Variants in TNRC6B observed in about 807,000 individuals in gnomAD.
TNRC6B encodes trinucleotide repeat-containing gene 6B protein.
TNRC6B carries 52 observed loss-of-function variants against 203.6 expected under a neutral mutation model. That is an observed-to-expected ratio of 0.26 (90% CI 0.20 to 0.32). The LOEUF (loss-of-function observed/expected upper bound fraction) is 0.32, where lower values mean the gene tolerates loss of function less well. Ranked by LOEUF, TNRC6B falls within the 10% of genes least tolerant of loss-of-function variation. The pLI, the probability that TNRC6B is intolerant of heterozygous loss-of-function variation, is 1.00. For missense variants in TNRC6B, 1,923 were observed against 2,286.2 expected, an observed-to-expected ratio of 0.84 and a Z score of 3.24; for synonymous variants, 838 against 845.7, an observed-to-expected ratio of 0.99 and a Z score of 0.16.
chr22:40,100,067 A>ATTAG (rs2068223063), intron 1 of TNRC6B, among the ~76,000 whole-genome samples: 1 of 112,026 alleles, frequency 8.9e-6, no homozygotes, highest in Non-Finnish European at 1.9e-5. Flanking sequence ...TTTTATTTTT[A>ATTAG]TTATTTATTT....
chr22:40,269,878 ACT>A (rs1438907369), intron 5 of TNRC6B, among the ~76,000 whole-genome samples: 3 of 132,310 alleles, frequency 2.3e-5, no homozygotes, highest in African/African-American at 8.5e-5. Context: ...ATGGAGCAAG[ACT>A]CTGTCTCAAA....
intron 1 of TNRC6B, among the ~76,000 whole-genome samples, chr22:40,226,475 C>G (rs145415284): frequency 8.5e-5 from 13 of 152,236 alleles, no homozygotes; most frequent in African/African-American, 2.9e-4. Flanking sequence ...GCAGTAGATA[C>G]CGTGTGATCT....
intron 1 of TNRC6B, among the ~76,000 whole-genome samples, chr22:40,197,185 T>A (rs2069348256): frequency 6.6e-6 from 1 of 152,138 alleles, no homozygotes; most frequent in Non-Finnish European, 1.5e-5. Context: ...TCCTCAGCAC[T>A]GCATTCATGA....
At chr22:40,139,723 C>T (rs1601836669) in intron 3 of TNRC6B, among the ~76,000 whole-genome samples, 1 of 152,142 alleles carries the variant, frequency 6.6e-6, no homozygotes, top group African/African-American at 2.4e-5. Flanking sequence ...ATGAAATGAA[C>T]ATTTTAATGC....
At chr22:40,089,358 C>A (rs60410735) in intron 1 of TNRC6B, among the ~76,000 whole-genome samples, 6,689 of 151,870 alleles carry the variant, frequency 0.044, 447 homozygotes, top group African/African-American at 0.14. Context: ...TCAGCCTCCC[C>A]GGTAGCTGGG....
At chr22:40,269,426 C>T (rs941539851) in intron 5 of TNRC6B, among the ~76,000 whole-genome samples, 5 of 152,114 alleles carry the variant, frequency 3.3e-5, no homozygotes, top group Admixed American at 2.0e-4. Flanking sequence ...AGCCATTGTG[C>T]CTGGCCTTTA....
At chr22:40,092,337 A>C (rs1041971025) in intron 1 of TNRC6B, among the ~76,000 whole-genome samples, 4 of 150,896 alleles carry the variant, frequency 2.7e-5, no homozygotes, top group Admixed American at 2.6e-4. Flanking sequence ...TGGGAGGCAG[A>C]GGTTACAGTG....
chr22:40,080,542 A>G (rs118176772), intron 1 of TNRC6B, among the ~76,000 whole-genome samples: 2,759 of 152,284 alleles, frequency 0.018, 35 homozygotes, highest in Non-Finnish European at 0.027. Context: ...GTGACATTGA[A>G]GATTACATCT....
chr22:40,173,239 G>A (rs2069019630), upstream of TNRC6B, among the ~76,000 whole-genome samples: 1 of 151,924 alleles, frequency 6.6e-6, no homozygotes, highest in Admixed American at 6.6e-5. Context: ...TGGGACTACA[G>A]GTGCGTGCCA....
At chr22:40,321,985 C>T (rs920339214) in intron 22 of TNRC6B, among the ~76,000 whole-genome samples, 1 of 152,106 alleles carries the variant, frequency 6.6e-6, no homozygotes, top group South Asian at 2.1e-4. Flanking sequence ...ACGGAGAAGA[C>T]CTGACTGCCC....
At chr22:40,089,923 T>C (rs1008053994) in intron 1 of TNRC6B, among the ~76,000 whole-genome samples, 1 of 152,228 alleles carries the variant, frequency 6.6e-6, no homozygotes, top group African/African-American at 2.4e-5. Context: ...CCAGATGTTA[T>C]GTAGTTGGAA....
At chr22:40,122,453 A>G (rs1308737550) in intron 2 of TNRC6B, among the ~76,000 whole-genome samples, 2 of 152,052 alleles carry the variant, frequency 1.3e-5, no homozygotes, top group African/African-American at 4.8e-5. Context: ...TGACCTACTC[A>G]CGGGTAGTTG....
At chr22:40,124,238 C>T (rs752569368) in intron 2 of TNRC6B, among the ~76,000 whole-genome samples, 2 of 151,990 alleles carry the variant, frequency 1.3e-5, no homozygotes, top group Non-Finnish European at 2.9e-5. Context: ...GAGAAGCCTA[C>T]ACCAAAACAG....
chr22:40,131,663 G>A (rs750815925), intron 3 of TNRC6B, among the ~76,000 whole-genome samples: 7 of 152,154 alleles, frequency 4.6e-5, no homozygotes, highest in Non-Finnish European at 8.8e-5. Flanking sequence ...AATTATTGGA[G>A]CTCCAACCAC....
At chr22:40,242,732 A>G (rs948564062) in intron 1 of TNRC6B, among the ~76,000 whole-genome samples, 3 of 149,922 alleles carry the variant, frequency 2.0e-5, no homozygotes, top group South Asian at 2.1e-4. Context: ...GCCCGTCCCT[A>G]TTATTCTTAA....
chr22:40,331,410 C>T lies in TNRC6B; in HGVS notation c.*8169C>T. The T allele has an allele frequency of 3.2e-6, 1 of 311,200 alleles. No homozygotes were observed. The highest frequency in any genetic ancestry group is 5.9e-6 in the Non-Finnish European group (1 of 170,572). 19.3% of individuals were successfully genotyped at this position (311,200 alleles called of 1,614,324 possible). A position where few individuals can be genotyped will look rare whatever the true frequency, so the allele number is the denominator to read the frequency against. The stretch of plus-strand genomic sequence containing the variant: ...TAAACAATTTCACCTCTTCTCCCCA[C>T]TCCTATCTTCTAAAGAAATATCAAG... On this transcript the variant is annotated 3_prime_UTR_variant, in exon 23 of 23. Coordinates refer to ENST00000454349, the MANE Select transcript of TNRC6B (RefSeq NM_001162501.2).
intron 3 of TNRC6B, among the ~76,000 whole-genome samples, chr22:40,256,113 T>C (rs572639576): frequency 9.2e-5 from 14 of 152,248 alleles, no homozygotes; most frequent in African/African-American, 3.1e-4. Flanking sequence ...GATAATGATA[T>C]GTGGGTGGGG....
intron 3 of TNRC6B, among the ~76,000 whole-genome samples, chr22:40,138,933 A>G (rs1051277703): frequency 3.9e-5 from 6 of 152,220 alleles, no homozygotes; most frequent in African/African-American, 1.4e-4. Context: ...CCTTTTCAGC[A>G]GCTTTATTAA....
intron 1 of TNRC6B, chr22:40,045,536 T>C (rs953309891): frequency 1.3e-5 from 2 of 152,148 alleles, no homozygotes; most frequent in African/African-American, 2.4e-5. Context: ...AGGCCTCGGA[T>C]CCTCGGGTCC....
Sources: gnomAD v4.1 joint callset for allele counts (sites outside exome capture counted in the v4.1 genomes callset) on GRCh38, gnomAD v4.1.1 for gene constraint, MANE v1.5 for transcripts, NCBI Gene and HGNC (gene_info 2026-07-23, HGNC 2026-07-21) for gene names.